The following PCDHA5 variants were observed in gnomAD, a reference collection of about 807,000 sequenced individuals.
The protein encoded by PCDHA5 is protocadherin alpha-5.
Under a neutral mutation model 61.6 loss-of-function variants are expected in PCDHA5, and 43 were observed. The observed-to-expected ratio is 0.70, with a 90% CI of 0.55 to 0.90. The LOEUF (loss-of-function observed/expected upper bound fraction) is 0.90. PCDHA5 is among the 40% of genes least tolerant of loss of function. The probability of loss-of-function intolerance (pLI) is 0.00; values close to 1 mark genes in which losing one functional copy is unlikely to be tolerated. For synonymous variants in PCDHA5, 627 were observed against 543.9 expected, an observed-to-expected ratio of 1.15 and a Z score of -2.13; for missense variants, 1,298 against 1,222.7, an observed-to-expected ratio of 1.06 and a Z score of -0.92.
intron 1 of PCDHA5, among the ~76,000 whole-genome samples, chr5:140,977,142 T>C (rs781987643): frequency 6.6e-6 from 1 of 152,236 alleles, no homozygotes; most frequent in Non-Finnish European, 1.5e-5. Context: ...TCAGTCCTGC[T>C]GGAACTGTGC....
rs2150111522 is a variant in PCDHA5 at position 140,821,876 on chromosome 5, T to A, written c.101T>A (p.Ile34Asn). 2.5e-6 allele frequency: 4 copies of A among 1,614,184 alleles called. No homozygotes were observed. In the African/African-American group the frequency reaches 5.3e-5, roughly 22 times the overall value. Reference sequence around the variant, plus strand: ...GGGAGCGGCCAGCTCCACTACTCGATCCCGGAGGAAGCCAAACACGGAACC... The same window carrying A: ...GGGAGCGGCCAGCTCCACTACTCGAACCCGGAGGAAGCCAAACACGGAACC... ...KAGSGQLHYS[I>N]PEEAKHGTFV... The change falls in exon 1 of 4, where the codon ATC (isoleucine) becomes AAC (asparagine). Residue 34 changes from isoleucine to asparagine, a missense_variant. Transcript: ENST00000529859.
chr5:140,956,540 G>A (rs1356910892), intron 1 of PCDHA5, among the ~76,000 whole-genome samples: 1 of 152,186 alleles, frequency 6.6e-6, no homozygotes, highest in Non-Finnish European at 1.5e-5. Context: ...TGTGCTGCTG[G>A]ATTTGGTTTG....
intron 1 of PCDHA5, chr5:140,855,768 T>C (rs1047449445): frequency 1.8e-5 from 7 of 383,760 alleles, no homozygotes; most frequent in East Asian, 1.3e-4. Flanking sequence ...TCCATAGACA[T>C]AAAAATACGT....
At chr5:140,848,341 T>C (rs1175376105) in intron 1 of PCDHA5, 6 of 896,220 alleles carry the variant, frequency 6.7e-6, no homozygotes, top group Non-Finnish European at 1.0e-5. Context: ...TCCAGACAAA[T>C]ACAGCCCTTT....
intron 1 of PCDHA5, chr5:140,883,983 G>A (rs2059929181): frequency 6.2e-7 from 1 of 1,612,892 alleles, no homozygotes; most frequent in East Asian, 2.2e-5. Flanking sequence ...GGGGCTGGCA[G>A]CGCGGGAGGC....
chr5:140,928,501 G>A, intron 1 of PCDHA5: 1 of 1,614,184 alleles, frequency 6.2e-7, no homozygotes. Flanking sequence ...TCCCAGAAGT[G>A]CAACAGTGAC....
At chr5:140,927,896 A>C in intron 1 of PCDHA5, 1 of 1,614,200 alleles carries the variant, frequency 6.2e-7, no homozygotes, top group East Asian at 2.2e-5. Flanking sequence ...GACGTGAACG[A>C]TCATGCCCCC....
chr5:140,847,661 T>C (rs1781128482), intron 1 of PCDHA5: 1 of 149,742 alleles, frequency 6.7e-6, no homozygotes, highest in Non-Finnish European at 1.5e-5. Flanking sequence ...TCATAGATTA[T>C]AAAGCTTGGA....
At position 140,838,075 on chromosome 5, in the gene PCDHA5, A is replaced by AGTG. The variant is rs781914509; in HGVS notation, c.2352+13948_2352+13949insGTG. Among the ~76,000 whole-genome samples the AGTG allele has an allele frequency of 1.4e-3, 174 of 128,230 alleles. 2 individuals carry two copies. Among genetic ancestry groups the AGTG allele is most frequent in the Admixed American group, 2.8e-3 (34 of 12,302 alleles). 84.1% of individuals were successfully genotyped at this position (128,230 alleles called of 152,430 possible). ...GTTTTCCACTTTAAGTTATATATAT[A>AGTG]TAGTGTGTGTGTGTGTGTGTGTGTG... is the stretch of plus-strand genomic sequence containing the variant. On this transcript the variant is annotated intron_variant, in intron 1 of 3. Coordinates refer to ENST00000529859, the MANE Select transcript of PCDHA5 (RefSeq NM_018908.3).
intron 3 of PCDHA5, among the ~76,000 whole-genome samples, chr5:141,004,792 C>G (rs2098181519): frequency 6.6e-6 from 1 of 152,170 alleles, no homozygotes; most frequent in African/African-American, 2.4e-5. Flanking sequence ...CAGGCAGATT[C>G]TGGCTGAGCT....
chr5:140,943,581 G>A (rs1022140100), intron 1 of PCDHA5, among the ~76,000 whole-genome samples: 1 of 152,168 alleles, frequency 6.6e-6, no homozygotes, highest in Non-Finnish European at 1.5e-5. Flanking sequence ...GTTGATCTGA[G>A]TGGGGCTGAA....
At position 140,951,544 on chromosome 5, in the gene PCDHA5, G is replaced by A. The variant is rs543008494; in HGVS notation, c.2353-27405G>A. On this transcript the variant is annotated intron_variant, in intron 1 of 3. Transcript: ENST00000529859. ...CATGGCCGGTGCAGGAGCAAGGGAC[G>A]GGGGGAAGTGCTACGCACTTTTAAA... Among the ~76,000 whole-genome samples the A allele has an allele frequency of 1.4e-3, 220 of 151,994 alleles. 1 individual carries two copies. The highest frequency in any genetic ancestry group is 4.9e-3 in the African/African-American group (204 of 41,462).
chr5:140,882,558 G>T (rs782792864), intron 1 of PCDHA5: 16 of 1,614,130 alleles, frequency 9.9e-6, no homozygotes, highest in Non-Finnish European at 1.1e-5. Flanking sequence ...GAGCTGTGTG[G>T]GCGGAGCGCG....
intron 1 of PCDHA5, among the ~76,000 whole-genome samples, chr5:140,826,596 GTTAAA>G (rs1357546404): frequency 6.6e-6 from 1 of 152,084 alleles, no homozygotes; most frequent in East Asian, 1.9e-4. Flanking sequence ...TAACATTAAG[GTTAAA>G]TTAAGGGCGA....
intron 1 of PCDHA5, chr5:140,871,619 A>C: frequency 7.1e-7 from 1 of 1,415,536 alleles, no homozygotes; most frequent in Non-Finnish European, 9.4e-7. Context: ...ATTGTTTTAG[A>C]TAACAATGTC....
chr5:140,901,953 G>T (rs545807968), intron 1 of PCDHA5, among the ~76,000 whole-genome samples: 1 of 151,712 alleles, frequency 6.6e-6, no homozygotes, highest in African/African-American at 2.4e-5. Flanking sequence ...AGTTTTATTC[G>T]TGGCTATCGT....
At chr5:140,927,153 C>T in intron 1 of PCDHA5, 1 of 1,614,190 alleles carries the variant, frequency 6.2e-7, no homozygotes, top group Non-Finnish European at 8.5e-7. Context: ...AACAGCTGTG[C>T]AGGGCCAAAG....
At chr5:140,861,094 C>G (rs1554154151) in intron 1 of PCDHA5, 1 of 152,400 alleles carries the variant, frequency 6.6e-6, no homozygotes, top group African/African-American at 2.4e-5. Context: ...CTCCATTGTT[C>G]CTGTACTTTA....
chr5:140,842,964 A>G, intron 1 of PCDHA5: 1 of 1,594,990 alleles, frequency 6.3e-7, no homozygotes, highest in East Asian at 2.2e-5. Flanking sequence ...CTGGGCAGCA[A>G]CGTGACGCTG....
Sources: gnomAD v4.1 joint callset for allele counts (sites outside exome capture counted in the v4.1 genomes callset) on GRCh38, gnomAD v4.1.1 for gene constraint, MANE v1.5 for transcripts, NCBI Gene and HGNC (gene_info 2026-07-23, HGNC 2026-07-21) for gene names.